Variants in CNTNAP2 observed in about 807,000 individuals in gnomAD.
CNTNAP2 encodes contactin-associated protein-like 2.
CNTNAP2 carries 98 observed loss-of-function variants against 155.2 expected under a neutral mutation model. The ratio of observed to expected loss-of-function variants is 0.63; its 90% confidence interval spans 0.54 to 0.75. The LOEUF is 0.75. Ranked by LOEUF, CNTNAP2 falls within the 30% of genes least tolerant of loss-of-function variation. The probability of loss-of-function intolerance (pLI) is 0.00; values close to 1 mark genes in which losing one functional copy is unlikely to be tolerated. For synonymous variants in CNTNAP2, 651 were observed against 631.2 expected, an observed-to-expected ratio of 1.03 and a Z score of -0.47; for missense variants, 1,727 against 1,688.1, an observed-to-expected ratio of 1.02 and a Z score of -0.40.
intron 22 of CNTNAP2, among the ~76,000 whole-genome samples, chr7:148,403,898 T>C (rs1799643474): frequency 6.6e-6 from 1 of 152,254 alleles, no homozygotes; most frequent in Non-Finnish European, 1.5e-5. Context: ...ATTTTGCCCT[T>C]GAAATGTATA....
intron 14 of CNTNAP2, among the ~76,000 whole-genome samples, chr7:147,913,081 G>A (rs894653360): frequency 6.6e-5 from 10 of 152,170 alleles, no homozygotes; most frequent in Non-Finnish European, 1.5e-4. Flanking sequence ...AGAAGAGAAG[G>A]TAAAGTCAGC....
At chr7:147,613,787 G>A (rs962562532) in intron 12 of CNTNAP2, among the ~76,000 whole-genome samples, 13 of 152,206 alleles carry the variant, frequency 8.5e-5, no homozygotes, top group African/African-American at 3.1e-4. Context: ...AGGTTGCAAT[G>A]AGCCAAAATC....
At chr7:146,268,878 TG>T (rs1021004451) in intron 1 of CNTNAP2, among the ~76,000 whole-genome samples, 11 of 152,318 alleles carry the variant, frequency 7.2e-5, no homozygotes, top group African/African-American at 2.6e-4. Flanking sequence ...ACCTGTGTTT[TG>T]AGGGTGAAAC....
rs34785567 is a variant in CNTNAP2 at position 146,866,017 on chromosome 7, C to T, written c.402+26113C>T. 3.5e-3 allele frequency among the ~76,000 whole-genome samples: 530 copies of T among 152,190 alleles called. 2 individuals carry two copies. Among genetic ancestry groups the T allele is most frequent in the Non-Finnish European group, 6.1e-3 (417 of 67,990 alleles). On this transcript the variant is annotated intron_variant, in intron 3 of 23. Transcript: ENST00000361727. ...TATTTCTTATCACATATATTATTCT[C>T]AGAAGATCCACCCATTTCTGTTATT...
At chr7:148,026,516 G>A (rs1347865051) in intron 15 of CNTNAP2, among the ~76,000 whole-genome samples, 1 of 152,084 alleles carries the variant, frequency 6.6e-6, no homozygotes, top group East Asian at 1.9e-4. Context: ...TGTGTAGGGG[G>A]AATAAAGTGA....
intron 1 of CNTNAP2, among the ~76,000 whole-genome samples, chr7:146,371,307 A>G (rs1795230312): frequency 6.6e-6 from 1 of 151,358 alleles, no homozygotes; most frequent in South Asian, 2.1e-4. Flanking sequence ...GTATATTTAC[A>G]TATCTATCCT....
chr7:147,353,982 GTT>G (rs144161622), intron 9 of CNTNAP2, among the ~76,000 whole-genome samples: 68,837 of 150,858 alleles, frequency 0.46, 16,537 homozygotes, highest in African/African-American at 0.56. Context: ...ACTTTTTGAT[GTT>G]TTTTTTTTTC....
chr7:147,426,222 T>C (rs1797375770), intron 10 of CNTNAP2, among the ~76,000 whole-genome samples: 1 of 151,518 alleles, frequency 6.6e-6, no homozygotes, highest in South Asian at 2.1e-4. Context: ...TAAATAGAAA[T>C]CTTATCTGTA....
chr7:146,657,848 C>T (rs929135224), intron 1 of CNTNAP2, among the ~76,000 whole-genome samples: 5 of 151,704 alleles, frequency 3.3e-5, no homozygotes, highest in African/African-American at 1.2e-4. Context: ...AATTTTAATT[C>T]TATTAAATAT....
At chr7:147,080,177 AT>A (rs1008940935) in intron 4 of CNTNAP2, among the ~76,000 whole-genome samples, 9 of 152,200 alleles carry the variant, frequency 5.9e-5, no homozygotes, top group Admixed American at 5.2e-4. Context: ...GATCCTTTGG[AT>A]TTGTGCATAT....
At chr7:147,550,366 A>G (rs191003593) in intron 11 of CNTNAP2, among the ~76,000 whole-genome samples, 34 of 152,270 alleles carry the variant, frequency 2.2e-4, no homozygotes, top group Admixed American at 2.0e-3. Flanking sequence ...AATAAGTCTC[A>G]TGAGATCTGA....
chr7:146,717,994 T>C (rs1801221198), intron 1 of CNTNAP2, among the ~76,000 whole-genome samples: 1 of 152,142 alleles, frequency 6.6e-6, no homozygotes, highest in Admixed American at 6.6e-5. Context: ...GATGCTTCTT[T>C]TACACCTTTA....
chr7:147,362,914 A>T (rs954652647), intron 9 of CNTNAP2, among the ~76,000 whole-genome samples: 7 of 152,190 alleles, frequency 4.6e-5, no homozygotes, highest in African/African-American at 1.7e-4. Flanking sequence ...TCAAGAGTCA[A>T]TTGAGTTGGA....
rs569633174 is a variant in CNTNAP2 at position 146,413,928 on chromosome 7, A to T, written c.97+296955A>T. ...CTCTCAGCATTAGTGGAAGAATTAGAGTATTAACGACCTTATAGACCAGGT... is the reference window on the plus strand; with the variant it reads ...CTCTCAGCATTAGTGGAAGAATTAGTGTATTAACGACCTTATAGACCAGGT... On this transcript the variant is annotated intron_variant, in intron 1 of 23. Coordinates refer to ENST00000361727, the MANE Select transcript of CNTNAP2 (RefSeq NM_014141.6). 1.7e-4 allele frequency among the ~76,000 whole-genome samples: 26 copies of T among 152,298 alleles called. No individual in the cohort carries two copies. The South Asian group carries it at 5.2e-3, about 30-fold the overall frequency.
rs1011595311 is a variant in CNTNAP2 at position 147,354,253 on chromosome 7, G to T, written c.1499-41356G>T. On this transcript the variant is annotated intron_variant, in intron 9 of 23. Transcript: ENST00000361727. ...GGTATTTCCTAGGTTTTCGTCTAGGGTTTTTATGGTTTTAGGTCTTATGTT... is the reference window on the plus strand; with the variant it reads ...GGTATTTCCTAGGTTTTCGTCTAGGTTTTTTATGGTTTTAGGTCTTATGTT... Among the ~76,000 whole-genome samples the T allele has an allele frequency of 6.6e-5, 10 of 152,050 alleles. 1 individual carries two copies. Among genetic ancestry groups the T allele is most frequent in the African/African-American group, 2.4e-4 (10 of 41,406 alleles).
At chr7:148,065,466 C>A (rs1192142767) in intron 15 of CNTNAP2, among the ~76,000 whole-genome samples, 1 of 151,950 alleles carries the variant, frequency 6.6e-6, no homozygotes, top group African/African-American at 2.4e-5. Flanking sequence ...ATTTGGGATC[C>A]CCAGTGTTAG....
chr7:146,867,781 C>T (rs1197551194), intron 3 of CNTNAP2, among the ~76,000 whole-genome samples: 3 of 150,734 alleles, frequency 2.0e-5, no homozygotes, highest in East Asian at 1.9e-4. Context: ...GTGATAGTGA[C>T]TTTTTTTTTT....
intron 21 of CNTNAP2, among the ~76,000 whole-genome samples, chr7:148,336,139 G>A (rs1392088438): frequency 6.6e-6 from 1 of 152,108 alleles, no homozygotes; most frequent in African/African-American, 2.4e-5. Context: ...CATTTATGCT[G>A]GATTTGAATC....
At chr7:147,548,104 A>G (rs535003265) in intron 11 of CNTNAP2, among the ~76,000 whole-genome samples, 5 of 152,282 alleles carry the variant, frequency 3.3e-5, no homozygotes, top group African/African-American at 1.2e-4. Flanking sequence ...GATTTATAAT[A>G]CTTTGGGTAT....
Sources: allele counts gnomAD v4.1 joint callset (sites outside exome capture counted in the v4.1 genomes callset), GRCh38; gene constraint gnomAD v4.1.1; transcripts MANE v1.5; gene names NCBI Gene and HGNC (gene_info 2026-07-23, HGNC 2026-07-21).